Variants in WDFY4 observed in about 807,000 individuals in gnomAD.
WDFY4 encodes the protein WD repeat- and FYVE domain-containing protein 4.
A neutral mutation model predicts 351.9 loss-of-function variants in WDFY4; 169 were observed. That is an observed-to-expected ratio of 0.48 (90% CI 0.42 to 0.55). The LOEUF is 0.55. WDFY4 is among the 20% of genes least tolerant of loss of function. WDFY4 has a pLI of 0.00. For missense variants in WDFY4, 3,803 were observed against 3,935.6 expected (o/e 0.97, Z 0.90); for synonymous variants, 1,622 against 1,574.6 (o/e 1.03, Z -0.71).
rs2064454805 is a variant in WDFY4 at position 48,731,396 on chromosome 10, T to A, written c.1416T>A (p.His472Gln). ...VPHEILRKVQHLIKESPGPSC... is the reference protein window; with the variant it reads ...VPHEILRKVQQLIKESPGPSC... ...ATGAGATCCTGCGAAAGGTACAGCA[T>A]CTGATCAAGGAGAGCCCTGGGCCAT... Residue 472 changes from histidine (H) to glutamine (Q), a missense_variant, in exon 9 of 62, where the codon CAT (histidine) becomes CAA (glutamine). Around this residue, in one of 3 missense-constraint regions of WDFY4, gnomAD observed 261 missense variants for 330.2 expected, o/e 0.79. Transcript: ENST00000325239. 1 of 1,551,606 alleles carries A rather than the reference T, an allele frequency of 6.4e-7. No homozygotes were observed. The highest frequency in any genetic ancestry group is 2.0e-5 in the Admixed American group (1 of 50,984).
intron 51 of WDFY4, among the ~76,000 whole-genome samples, chr10:48,956,508 C>T: frequency 6.6e-6 from 1 of 152,164 alleles, no homozygotes; most frequent in East Asian, 1.9e-4. Context: ...TCCCTCCTCC[C>T]TTCACCCTCC....
intron 40 of WDFY4, among the ~76,000 whole-genome samples, chr10:48,868,523 ATG>A (rs1346977646): frequency 6.6e-6 from 1 of 152,082 alleles, no homozygotes; most frequent in Non-Finnish European, 1.5e-5. Context: ...GCTGGCCTAT[ATG>A]TGTGTCATCT....
At chr10:48,760,546 C>A in intron 13 of WDFY4, 106 bp downstream of exon 13, 1 of 1,101,750 alleles carries the variant, frequency 9.1e-7, no homozygotes, top group Non-Finnish European at 1.3e-6. Flanking sequence ...TCTTCAGTGC[C>A]CTGCGTTAGC....
intron 11 of WDFY4, 23 bp downstream of exon 11, chr10:48,736,093 G>C (rs1242683445): frequency 6.4e-7 from 1 of 1,551,602 alleles, no homozygotes; most frequent in Admixed American, 2.0e-5. Flanking sequence ...CCTCCTTTGA[G>C]ATTGGCTTCC....
intron 54 of WDFY4, among the ~76,000 whole-genome samples, chr10:48,964,756 T>C (rs1476264856): frequency 6.6e-6 from 1 of 152,324 alleles, no homozygotes; most frequent in East Asian, 1.9e-4. Context: ...CCTGTTGACA[T>C]ACTGATGAAA....
At chr10:48,838,851 C>T (rs1257402484) in intron 39 of WDFY4, among the ~76,000 whole-genome samples, 1 of 152,230 alleles carries the variant, frequency 6.6e-6, no homozygotes, top group African/African-American at 2.4e-5. Context: ...ATGTGCAGAA[C>T]TGGAAGGCTT....
intron 39 of WDFY4, among the ~76,000 whole-genome samples, chr10:48,841,916 A>C (rs2068620846): frequency 6.6e-6 from 1 of 152,094 alleles, no homozygotes; most frequent in South Asian, 2.1e-4. Flanking sequence ...TGAATCCTGA[A>C]TGCCTATCTT....
At chr10:48,798,514 G>C (rs920237160) in intron 24 of WDFY4, among the ~76,000 whole-genome samples, 5 of 152,186 alleles carry the variant, frequency 3.3e-5, no homozygotes, top group Admixed American at 2.6e-4. Context: ...TTTTGTGCCA[G>C]TAAATTAGAA....
At chr10:48,828,723 G>C (rs2068085465) in intron 36 of WDFY4, 55 bp from the exon 37 acceptor site, 4 of 1,047,016 alleles carry the variant, frequency 3.8e-6, no homozygotes, top group Non-Finnish European at 4.2e-6. Flanking sequence ...CAATAGAATG[G>C]TCTCAAGGAA....
At chr10:48,832,834 G>A (rs1475021589) in intron 39 of WDFY4, 125 bp downstream of exon 39, 2 of 1,281,902 alleles carry the variant, frequency 1.6e-6, no homozygotes, top group Non-Finnish European at 2.0e-6. Context: ...GAGCATTTGA[G>A]GGTATGCATG....
chr10:48,953,583 GT>G (rs2133809726), intron 51 of WDFY4, among the ~76,000 whole-genome samples: 1 of 152,324 alleles, frequency 6.6e-6, no homozygotes, highest in East Asian at 1.9e-4. Flanking sequence ...TATCAACAGG[GT>G]CCTGTAAGTG....
intron 49 of WDFY4, among the ~76,000 whole-genome samples, chr10:48,945,235 G>A (rs540598568): frequency 2.6e-5 from 4 of 152,118 alleles, no homozygotes; most frequent in African/African-American, 9.7e-5. Context: ...AATTAGCGAG[G>A]CATGGTGGCA....
intron 2 of WDFY4, among the ~76,000 whole-genome samples, chr10:48,715,275 T>C (rs953680547): frequency 4.1e-5 from 6 of 147,862 alleles, no homozygotes; most frequent in African/African-American, 1.5e-4. Context: ...TGCAGATCCA[T>C]GAGCAAAATA....
In WDFY4 at chr10:48,699,918, C is replaced by T. The variant is rs913391712; in HGVS notation, c.-17-9798C>T. 2.0e-5 allele frequency among the ~76,000 whole-genome samples: 3 copies of T among 152,168 alleles called. No individual in the cohort carries two copies. The South Asian group carries it at 6.2e-4, about 32-fold the overall frequency. ...CCTCCAGGTGTGGTCCCTGAACCAG[C>T]TGCCTCCTCACCTCCTGAGAACTCT... On this transcript the variant is annotated intron_variant, in intron 1 of 61. Transcript: ENST00000325239.
At position 48,775,732 on chromosome 10, in the gene WDFY4, T is replaced by C; in HGVS notation, c.2789T>C (p.Ile930Thr). 6.4e-7 allele frequency: 1 copy of C among 1,551,696 alleles called. No homozygotes were observed. The highest frequency in any genetic ancestry group is 2.0e-5 in the Admixed American group (1 of 51,000). ...TTCAGACAGTTTCTAGGTCTTGGAA[T>C]TCCCTCATCTCTGTCGGCCACAACA... ...DVLRQFLGLG[I>T]PSSLSATTKI... Residue 930 changes from isoleucine (I) to threonine (T), a missense_variant, in exon 15 of 62, where the codon ATT becomes ACT. Coordinates refer to ENST00000325239, the MANE Select transcript of WDFY4 (RefSeq NM_001394531.1).
intron 56 of WDFY4, among the ~76,000 whole-genome samples, chr10:48,969,638 C>T (rs373154326): frequency 6.6e-6 from 1 of 152,286 alleles, no homozygotes; most frequent in East Asian, 1.9e-4. Flanking sequence ...CAAGCTGTTT[C>T]CCTACTGGTC....
intron 52 of WDFY4, among the ~76,000 whole-genome samples, chr10:48,957,654 C>G (rs76124716): frequency 6.6e-6 from 1 of 152,200 alleles, no homozygotes; most frequent in Non-Finnish European, 1.5e-5. Flanking sequence ...CCCATTTCCT[C>G]CATGTCCCAC....
intron 13 of WDFY4, among the ~76,000 whole-genome samples, chr10:48,768,455 C>T (rs996971693): frequency 2.0e-5 from 3 of 152,228 alleles, no homozygotes; most frequent in African/African-American, 7.2e-5. Context: ...CCCGCCTTCA[C>T]ATGTGCTGTT....
At chr10:48,929,934 G>A (rs1032480932) in intron 47 of WDFY4, among the ~76,000 whole-genome samples, 5 of 151,204 alleles carry the variant, frequency 3.3e-5, no homozygotes, top group Admixed American at 2.6e-4. Flanking sequence ...TTATTTCTCT[G>A]CACTTCTCCT....
Sources: allele counts gnomAD v4.1 joint callset (sites outside exome capture counted in the v4.1 genomes callset), GRCh38; gene constraint gnomAD v4.1.1; regional missense constraint gnomAD v4.1.1; transcripts MANE v1.5; gene names NCBI Gene and HGNC (gene_info 2026-07-23, HGNC 2026-07-21).